The following CLNK variants were observed in gnomAD, a reference collection of about 807,000 sequenced individuals.
CLNK encodes cytokine-dependent hematopoietic cell linker.
In CLNK, 74 loss-of-function variants were observed where a neutral mutation model predicts 68.6. That is an observed-to-expected ratio of 1.08 (90% CI 0.89 to 1.31). The LOEUF (loss-of-function observed/expected upper bound fraction) is 1.31, where lower values mean the gene tolerates loss of function less well. Ranked by LOEUF, CLNK falls within the 50% of genes most tolerant of loss-of-function variation. CLNK has a pLI of 0.00. For missense variants in CLNK, 553 were observed against 515.3 expected, an observed-to-expected ratio of 1.07 and a Z score of -0.71; for synonymous variants, 198 against 172.2, an observed-to-expected ratio of 1.15 and a Z score of -1.17.
intron 4 of CLNK, among the ~76,000 whole-genome samples, chr4:10,577,680 GGGA>G (rs1408128003): frequency 6.6e-6 from 1 of 151,972 alleles, no homozygotes; most frequent in Non-Finnish European, 1.5e-5. Context: ...GCCAGTACAA[GGGA>G]GGGAGCAAGA....
chr4:10,568,351 A>C lies in CLNK; in HGVS notation c.151-2201T>G, dbSNP rs1355824802. On this transcript the variant is annotated intron_variant, in intron 5 of 18. Transcript: ENST00000226951. The stretch of plus-strand genomic sequence containing the variant: ...GGAAGAGGAGGATCTATAGATAAAG[A>C]GTAGATTAATATTTGCCAAGGTCTG... Among the ~76,000 whole-genome samples the C allele has an allele frequency of 2.0e-5, 3 of 152,284 alleles. No homozygotes were observed. In the East Asian group the frequency reaches 5.8e-4, roughly 29 times the overall value.
At chr4:10,661,577 T>A (rs372452605) in intron 2 of CLNK, among the ~76,000 whole-genome samples, 1 of 152,186 alleles carries the variant, frequency 6.6e-6, no homozygotes, top group East Asian at 1.9e-4. Context: ...ATGACATAGA[T>A]CCTCATGGAG....
At chr4:10,516,537 A>G (rs1290816995) in intron 15 of CLNK, among the ~76,000 whole-genome samples, 1 of 144,462 alleles carries the variant, frequency 6.9e-6, no homozygotes, top group East Asian at 2.1e-4. Context: ...TTCTAATGAG[A>G]CCAAGGATTG....
At chr4:10,535,263 G>GAAAGAAAGAAAGA (rs1225148465) in intron 11 of CLNK, among the ~76,000 whole-genome samples, 5 of 144,704 alleles carry the variant, frequency 3.5e-5, no homozygotes, top group African/African-American at 1.3e-4. Context: ...AAGAAAGAAA[G>GAAAGAAAGAAAGA]AAAAAATGGA....
intron 11 of CLNK, among the ~76,000 whole-genome samples, chr4:10,532,891 A>G (rs1330099916): frequency 1.3e-5 from 2 of 152,230 alleles, no homozygotes; most frequent in Non-Finnish European, 2.9e-5. Context: ...TCTAAACCTC[A>G]CTTTTTTTCA....
At chr4:10,513,205 A>G (rs887815259) in intron 16 of CLNK, among the ~76,000 whole-genome samples, 3 of 9,440 alleles carry the variant, frequency 3.2e-4, no homozygotes, top group South Asian at 3.7e-3. Flanking sequence ...TATTTTTTGG[A>G]TTAATTTTTA....
chr4:10,722,059 G>A, the CLNK span, among the ~76,000 whole-genome samples: 4 of 152,076 alleles, frequency 2.6e-5, no homozygotes, highest in Non-Finnish European at 5.9e-5. Flanking sequence ...CTGTAATCCC[G>A]GCTACTCGGG....
At chr4:10,704,067 T>C in the CLNK span, among the ~76,000 whole-genome samples, 2 of 151,970 alleles carry the variant, frequency 1.3e-5, no homozygotes, top group African/African-American at 4.8e-5. Flanking sequence ...AAATAAGGGG[T>C]TGGCCAGGGA....
rs1553848137 is a variant in CLNK at position 10,537,637 on chromosome 4, C to CCCTTTCTTCCTT, written c.602+2856_602+2857insAAGGAAGAAAGG. ...TCTCTCTCTCTTTCTTTCTTTCTTT[C>CCCTTTCTTCCTT]TCTTTCTTTCTTTCTTTCTTTCTTT... On this transcript the variant is annotated intron_variant, in intron 11 of 18. Transcript: ENST00000226951. Among the ~76,000 whole-genome samples the CCCTTTCTTCCTT allele has an allele frequency of 2.0e-3, 155 of 76,250 alleles. 1 individual carries two copies. Among genetic ancestry groups the CCCTTTCTTCCTT allele is most frequent in the Middle Eastern group, 0.011 (2 of 178 alleles). The allele number at this position is 76,250 out of a possible 152,430, so 50.0% of individuals were successfully genotyped here.
At chr4:10,638,594 T>G (rs1723185864) in intron 2 of CLNK, among the ~76,000 whole-genome samples, 1 of 152,256 alleles carries the variant, frequency 6.6e-6, no homozygotes, top group Admixed American at 6.5e-5. Flanking sequence ...TTTCATTTTT[T>G]GTGGTTGTTA....
At chr4:10,569,379 C>G (rs981053040) in intron 5 of CLNK, among the ~76,000 whole-genome samples, 1 of 151,576 alleles carries the variant, frequency 6.6e-6, no homozygotes, top group Non-Finnish European at 1.5e-5. Flanking sequence ...TCTCCCCACC[C>G]GTCCCCAAAT....
At chr4:10,510,734 C>T (rs1056971887) in intron 16 of CLNK, among the ~76,000 whole-genome samples, 15 of 152,216 alleles carry the variant, frequency 9.9e-5, no homozygotes, top group Non-Finnish European at 2.1e-4. Flanking sequence ...AAGGCCTTAT[C>T]TTCACCGATA....
chr4:10,506,589 G>A (rs1433301276), intron 17 of CLNK, among the ~76,000 whole-genome samples: 3 of 152,168 alleles, frequency 2.0e-5, no homozygotes, highest in Non-Finnish European at 2.9e-5. Context: ...CCTTGATTAA[G>A]GAGATAAACC....
At chr4:10,698,877 C>T in the CLNK span, among the ~76,000 whole-genome samples, 1 of 152,080 alleles carries the variant, frequency 6.6e-6, no homozygotes, top group African/African-American at 2.4e-5. Context: ...CTCATCTGAT[C>T]GACTGAACAC....
rs1716357857 is a variant in CLNK, at chr4:10,486,475, A to G, written c.*3992T>C. On this transcript the variant is annotated 3_prime_UTR_variant, in exon 19 of 19. Transcript: ENST00000226951. ...ATGTAAATGTGCTTAGCTAGAACAA[A>G]TATTGCTCAGAATAAAAAAGATATA... is the stretch of plus-strand genomic sequence containing the variant. 2 of 152,076 alleles carry G rather than the reference A, an allele frequency of 1.3e-5. No homozygotes were observed. The highest frequency in any genetic ancestry group is 1.3e-4 in the Admixed American group (2 of 15,278). 9.4% of individuals were successfully genotyped at this position (152,076 alleles called of 1,614,324 possible).
chr4:10,673,711 C>G (rs1340907793), intron 1 of CLNK, among the ~76,000 whole-genome samples: 1 of 151,666 alleles, frequency 6.6e-6, no homozygotes, highest in Non-Finnish European at 1.5e-5. Flanking sequence ...GGAGAAATAA[C>G]TAATGTTAAT....
chr4:10,726,654 T>A, the CLNK span, among the ~76,000 whole-genome samples: 1 of 152,146 alleles, frequency 6.6e-6, no homozygotes, highest in Non-Finnish European at 1.5e-5. Flanking sequence ...TGTAGAATTA[T>A]TATTAATGAA....
At chr4:10,548,253 T>A (rs547070216) in intron 8 of CLNK, among the ~76,000 whole-genome samples, 3 of 152,300 alleles carry the variant, frequency 2.0e-5, no homozygotes, top group Non-Finnish European at 2.9e-5. Flanking sequence ...TCATGACCAG[T>A]GATGCTGAGA....
the CLNK span, among the ~76,000 whole-genome samples, chr4:10,726,104 A>C: frequency 6.6e-6 from 1 of 152,036 alleles, no homozygotes; most frequent in Non-Finnish European, 1.5e-5. Flanking sequence ...GGTTTCTGGC[A>C]ATCTTTGATA....
Sources: allele counts gnomAD v4.1 joint callset (sites outside exome capture counted in the v4.1 genomes callset), GRCh38; gene constraint gnomAD v4.1.1; transcripts MANE v1.5; gene names NCBI Gene and HGNC (gene_info 2026-07-23, HGNC 2026-07-21).